The following CSTF3 variants were observed in gnomAD, a reference collection of about 807,000 sequenced individuals.
CSTF3 encodes the protein cleavage stimulation factor subunit 3.
In CSTF3, 29 loss-of-function variants were observed where a neutral mutation model predicts 105.8. That is an observed-to-expected ratio of 0.27 (90% CI 0.20 to 0.37). The LOEUF (loss-of-function observed/expected upper bound fraction) is 0.37. Ranked by LOEUF, CSTF3 falls within the 10% of genes least tolerant of loss-of-function variation. The pLI, the probability that CSTF3 is intolerant of heterozygous loss-of-function variation, is 1.00. For missense variants in CSTF3, 357 were observed against 879.3 expected, an observed-to-expected ratio of 0.41 and a Z score of 7.51; for synonymous variants, 252 against 281.9, an observed-to-expected ratio of 0.89 and a Z score of 1.06.
intron 3 of CSTF3, among the ~76,000 whole-genome samples, chr11:33,122,464 T>C (rs1236555247): frequency 1.3e-5 from 2 of 152,168 alleles, no homozygotes; most frequent in Non-Finnish European, 2.9e-5. Flanking sequence ...TTTCATTATA[T>C]AACAGTATGT....
intron 3 of CSTF3, among the ~76,000 whole-genome samples, chr11:33,118,720 A>C (rs892163223): frequency 6.7e-6 from 1 of 149,586 alleles, no homozygotes; most frequent in Non-Finnish European, 1.5e-5. Flanking sequence ...AGGAAAGTCA[A>C]GAAATCAAGT....
At chr11:33,135,024 C>G (rs1333435992) in intron 3 of CSTF3, among the ~76,000 whole-genome samples, 1 of 152,168 alleles carries the variant, frequency 6.6e-6, no homozygotes, top group African/African-American at 2.4e-5. Context: ...GCAGTTAATT[C>G]TTTTAAGCCA....
chr11:33,101,792 T>C (rs185974225), intron 10 of CSTF3, among the ~76,000 whole-genome samples: 264 of 152,192 alleles, frequency 1.7e-3, no homozygotes, highest in African/African-American at 6.1e-3. Context: ...GATGTTGGAA[T>C]TGGCAGATGA....
intron 3 of CSTF3, among the ~76,000 whole-genome samples, chr11:33,140,730 C>T (rs955450437): frequency 5.9e-5 from 9 of 151,936 alleles, no homozygotes; most frequent in Admixed American, 3.9e-4. Flanking sequence ...CTGCAGTGTA[C>T]TTGATTATGC....
At position 33,085,077 on chromosome 11, in the gene CSTF3, G is replaced by A. The variant is rs377337032; in HGVS notation, c.*10C>T. The A allele has an allele frequency of 1.7e-5, 28 of 1,613,822 alleles. No individual in the cohort carries two copies. The highest frequency in any genetic ancestry group is 2.2e-5 in the South Asian group (2 of 91,086). Reference sequence around the variant, plus strand: ...CTGGACAGGAGTTTTCTGCAGAGGCGTTTAAAACCCTACCGAATCCGCTTC... The same window carrying A: ...CTGGACAGGAGTTTTCTGCAGAGGCATTTAAAACCCTACCGAATCCGCTTC... On this transcript the variant is annotated 3_prime_UTR_variant, in exon 21 of 21. Transcript: ENST00000323959.
chr11:33,115,449 T>G (rs1855421347), intron 3 of CSTF3, among the ~76,000 whole-genome samples: 1 of 152,228 alleles, frequency 6.6e-6, no homozygotes, highest in Non-Finnish European at 1.5e-5. Context: ...AAACAGGCTT[T>G]TAAGTTAGCT....
Position 33,139,503 on chromosome 11 carries a change from T to A in CSTF3, c.225+2164A>T, listed in dbSNP as rs193285607. Among the ~76,000 whole-genome samples the A allele has an allele frequency of 4.7e-4, 71 of 151,976 alleles. 1 individual carries two copies. In the Middle Eastern group the frequency reaches 0.01, roughly 22 times the overall value. ...TTCTCCAGAAATATTAATGGCCACA[T>A]TGAGTGATATGATCAAAGAAAACTT... On this transcript the variant is annotated intron_variant, in intron 3 of 20. Transcript: ENST00000323959.
chr11:33,113,322 T>C (rs1565008385), intron 3 of CSTF3, among the ~76,000 whole-genome samples: 1 of 152,312 alleles, frequency 6.6e-6, no homozygotes, highest in East Asian at 1.9e-4. Context: ...CTATTAAAAG[T>C]AGTGCATCAT....
At chr11:33,122,914 C>CAAAAAAAAA (rs10600978) in intron 3 of CSTF3, among the ~76,000 whole-genome samples, 2 of 83,832 alleles carry the variant, frequency 2.4e-5, no homozygotes, top group African/African-American at 5.4e-5. Context: ...TATCCTGTCT[C>CAAAAAAAAA]AAAAAAAAAA....
chr11:33,103,470 A>G (rs1855298473), intron 8 of CSTF3, among the ~76,000 whole-genome samples: 1 of 152,118 alleles, frequency 6.6e-6, no homozygotes, highest in African/African-American at 2.4e-5. Flanking sequence ...ATAATTTCAT[A>G]TAAGATTCTA....
At chr11:33,161,205 C>A (rs1428737987) in intron 1 of CSTF3, 94 bp downstream of exon 1, 3 of 1,420,250 alleles carry the variant, frequency 2.1e-6, no homozygotes, top group African/African-American at 1.4e-5. Context: ...TTCACTAGAC[C>A]CAATTCCTTC....
intron 1 of CSTF3, among the ~76,000 whole-genome samples, chr11:33,146,623 T>TAAAA (rs5790915): frequency 2.8e-5 from 4 of 144,062 alleles, no homozygotes; most frequent in Admixed American, 6.9e-5. Flanking sequence ...TGTAGTCACT[T>TAAAA]AAAAAAAAAA....
Position 33,099,698 on chromosome 11 carries a change from C to G in CSTF3, c.846G>C (p.Gln282His). The G allele has an allele frequency of 6.2e-7, 1 of 1,607,372 alleles. No individual in the cohort carries two copies. The highest frequency in any genetic ancestry group is 1.1e-5 in the South Asian group (1 of 89,418). The change falls in exon 11 of 21, where the codon CAG becomes CAC. Residue 282 changes from glutamine to histidine, a missense_variant. Physicochemically the swap from Gln to His is conservative, Grantham distance 24 (BLOSUM62 0). This residue lies in a region of CSTF3 where 206 missense variants were observed against 576.5 expected (regional missense o/e 0.36). Transcript: ENST00000323959. This position sits in a 1 kb window ranked among gnomAD's most constrained non-coding sequence, Gnocchi z 4.1. ...ITKRVMFAYE[Q>H]CLLVLGHHPD... Reference sequence around the variant, plus strand: ...GGTGATGGCCCAGCACAAGCAGGCACTGTTCATAAGCAAACATAACTAAGG... The same window carrying G: ...GGTGATGGCCCAGCACAAGCAGGCAGTGTTCATAAGCAAACATAACTAAGG...
Position 33,092,273 on chromosome 11 carries a change from A to T in CSTF3, c.1443T>A (p.Ser481=), listed in dbSNP as rs781528275. The part of the protein sequence containing the change: ...LTSGSLPPEK[S]GEIWARFLAF... The stretch of plus-strand genomic sequence containing the variant: ...AACAACTTTTCACAATGGCTTACCC[A>T]GACTTCTCAGGAGGAAGGCTTCCAG... Residue 481 remains serine, a splice_region_variant and synonymous_variant, in exon 16 of 21, where the codon TCT becomes TCA. Transcript: ENST00000323959. 1 of 1,596,358 alleles carries T rather than the reference A, an allele frequency of 6.3e-7. No homozygotes were observed. Among genetic ancestry groups the T allele is most frequent in the African/African-American group, 1.4e-5 (1 of 73,802 alleles).
intron 1 of CSTF3, among the ~76,000 whole-genome samples, chr11:33,155,539 ACTT>A (rs1426066263): frequency 6.6e-6 from 1 of 152,186 alleles, no homozygotes; most frequent in Admixed American, 6.5e-5. Flanking sequence ...AAAAGATGAG[ACTT>A]CTTTCAAATA....
At chr11:33,122,463 A>G (rs1475861820) in intron 3 of CSTF3, among the ~76,000 whole-genome samples, 3 of 152,188 alleles carry the variant, frequency 2.0e-5, no homozygotes, top group Non-Finnish European at 2.9e-5. Flanking sequence ...TTTTCATTAT[A>G]TAACAGTATG....
chr11:33,096,178 T>C (rs1166610313), intron 15 of CSTF3, 128 bp downstream of exon 15: 6 of 581,258 alleles, frequency 1.0e-5, no homozygotes, highest in Non-Finnish European at 1.7e-5. Flanking sequence ...CAAGTATTTC[T>C]TGAGTGCCTA....
intron 3 of CSTF3, among the ~76,000 whole-genome samples, chr11:33,123,150 T>C (rs531072045): frequency 6.6e-6 from 1 of 151,560 alleles, no homozygotes; most frequent in East Asian, 1.9e-4. Context: ...ACATTAAAAG[T>C]TTCCCTTAAC....
intron 4 of CSTF3, 25 bp from the exon 5 acceptor site, chr11:33,108,025 A>G (rs371707872): frequency 1.4e-6 from 2 of 1,423,016 alleles, no homozygotes; most frequent in Non-Finnish European, 1.9e-6. Context: ...ATATATTATC[A>G]GAATCCAGTT....
Sources: gnomAD v4.1 joint callset for allele counts (sites outside exome capture counted in the v4.1 genomes callset) on GRCh38, gnomAD v4.1.1 for gene constraint, gnomAD v4.1.1 regional missense constraint, Gnocchi (gnomAD v3.1) non-coding constraint, MANE v1.5 for transcripts, NCBI Gene and HGNC (gene_info 2026-07-23, HGNC 2026-07-21) for gene names.